The following OXSR1 variants were observed in gnomAD, a reference collection of about 807,000 sequenced individuals.
The protein encoded by OXSR1 is oxidative stress responsive kinase 1, also known as serine/threonine-protein kinase OSR1.
In OXSR1, 24 loss-of-function variants were observed where a neutral mutation model predicts 79.8. The observed-to-expected ratio is 0.30, with a 90% CI of 0.22 to 0.42. The LOEUF is 0.42. OXSR1 is among the 10% of genes least tolerant of loss of function. The pLI is 1.00. For synonymous variants in OXSR1, 226 were observed against 209.2 expected (o/e 1.08, Z -0.69); for missense variants, 430 against 618.4 (o/e 0.70, Z 3.23).
intron 1 of OXSR1, 31 bp from the exon 2 acceptor site, chr3:38,182,972 C>T: frequency 8.6e-7 from 1 of 1,161,986 alleles, no homozygotes; most frequent in South Asian, 1.3e-5. Context: ...TATCCATCTA[C>T]TTATTTACTC....
intron 4 of OXSR1, among the ~76,000 whole-genome samples, chr3:38,208,812 G>T (rs750817621): frequency 2.6e-4 from 39 of 152,344 alleles, no homozygotes; most frequent in Middle Eastern, 3.4e-3. Context: ...TAAGGCAGGA[G>T]AATGGCCTGA....
Position 38,167,805 on chromosome 3 carries a change from T to C in OXSR1, c.70+1859T>C, listed in dbSNP as rs534063696. On this transcript the variant is annotated intron_variant, in intron 1 of 17. Transcript: ENST00000311806. ...TCTGGTTCCCCCAGTCAGAGTTTCA[T>C]ATTGAAGGAAAGGATTAAATGGAAG... Among the ~76,000 whole-genome samples, 12 of 152,158 alleles carry C rather than the reference T, an allele frequency of 7.9e-5. No homozygotes were observed. The South Asian group carries it at 2.5e-3, about 32-fold the overall frequency.
chr3:38,205,045 A>G (rs1417521732), intron 4 of OXSR1, among the ~76,000 whole-genome samples: 1 of 152,124 alleles, frequency 6.6e-6, no homozygotes, highest in South Asian at 2.1e-4. Flanking sequence ...TGCTTCCTCC[A>G]TGGGTGCTGG....
In OXSR1 at chr3:38,174,308, G is replaced by A. The variant is rs867957137; in HGVS notation, c.70+8362G>A. Among the ~76,000 whole-genome samples the A allele has an allele frequency of 2.6e-5, 4 of 152,202 alleles. No individual in the cohort carries two copies. In the Middle Eastern group the frequency reaches 0.014, roughly 518 times the overall value. ...TTTTAAAACTCAGGCTGCAGGCTGG[G>A]CGAGGTGCCTCACCTGTAATCCCAG... On this transcript the variant is annotated intron_variant, in intron 1 of 17. Transcript: ENST00000311806.
chr3:38,193,756 A>G (rs1702026176), intron 3 of OXSR1, among the ~76,000 whole-genome samples: 2 of 152,004 alleles, frequency 1.3e-5, no homozygotes, highest in Non-Finnish European at 2.9e-5. Flanking sequence ...TTTCTGGGAC[A>G]TTACCCAATT....
chr3:38,193,413 T>G, intron 3 of OXSR1: 1 of 1,284,570 alleles, frequency 7.8e-7, no homozygotes, highest in South Asian at 1.2e-5. Flanking sequence ...GATATGGGAG[T>G]ATTAGGTAAT....
At chr3:38,228,716 G>A (rs565726119) in intron 8 of OXSR1, among the ~76,000 whole-genome samples, 54 of 152,134 alleles carry the variant, frequency 3.5e-4, no homozygotes, top group African/African-American at 1.3e-3. Flanking sequence ...GACTACAGGC[G>A]CACGCCACCA....
Position 38,230,003 on chromosome 3 carries a change from C to T in OXSR1, c.885+268C>T, listed in dbSNP as rs553372283. 3.3e-5 allele frequency among the ~76,000 whole-genome samples: 5 copies of T among 152,060 alleles called. No homozygotes were observed. In the South Asian group the frequency reaches 6.2e-4, roughly 19 times the overall value. The stretch of plus-strand genomic sequence containing the variant: ...TATAAATATAATTTGTGAAAAATAC[C>T]GAACTCTGGTTTTAAGGTTTACTAC... On this transcript the variant is annotated intron_variant, in intron 9 of 17. Coordinates refer to ENST00000311806, the MANE Select transcript of OXSR1 (RefSeq NM_005109.3).
chr3:38,198,900 C>T (rs1192482859), intron 4 of OXSR1, 37 bp downstream of exon 4: 6 of 1,557,080 alleles, frequency 3.9e-6, no homozygotes, highest in Non-Finnish European at 4.4e-6. Context: ...TACATCATCT[C>T]ATTAAGGCCA....
intron 2 of OXSR1, among the ~76,000 whole-genome samples, chr3:38,186,889 AT>A (rs985594196): frequency 6.6e-6 from 1 of 152,138 alleles, no homozygotes; most frequent in African/African-American, 2.4e-5. Flanking sequence ...CTGCCAAGCT[AT>A]TTTCCAAAGT....
At chr3:38,186,688 A>G (rs1376545627) in intron 2 of OXSR1, among the ~76,000 whole-genome samples, 1 of 151,986 alleles carries the variant, frequency 6.6e-6, no homozygotes, top group Non-Finnish European at 1.5e-5. Flanking sequence ...GATATACCAC[A>G]TATTGTTTGT....
intron 2 of OXSR1, among the ~76,000 whole-genome samples, chr3:38,185,759 G>A (rs1183059769): frequency 4.0e-5 from 6 of 151,794 alleles, no homozygotes; most frequent in Non-Finnish European, 7.4e-5. Flanking sequence ...CCGGGGCAAC[G>A]TGGTGAGACC....
chr3:38,230,459 G>T, intron 10 of OXSR1, 29 bp downstream of exon 10: 1 of 1,469,714 alleles, frequency 6.8e-7, no homozygotes, highest in Non-Finnish European at 9.5e-7. Flanking sequence ...CAGTTTTCCT[G>T]AAGAATTTAC....
At position 38,253,749 on chromosome 3, in the gene OXSR1, A is replaced by G. The variant is rs1398194915; in HGVS notation, c.*858A>G. 1 of 161,498 alleles carries G rather than the reference A, an allele frequency of 6.2e-6. No homozygotes were observed. Among genetic ancestry groups the G allele is most frequent in the Non-Finnish European group, 1.3e-5 (1 of 74,234 alleles). 10.0% of individuals were successfully genotyped at this position (161,498 alleles called of 1,614,324 possible). ...CAAATATCAAATTGAAGAAAAACTC[A>G]ATCCTCCCATGAAAATCAGTTCGCC... On this transcript the variant is annotated 3_prime_UTR_variant, in exon 18 of 18. Transcript: ENST00000311806.
At chr3:38,218,326 G>A (rs1191361817) in intron 5 of OXSR1, among the ~76,000 whole-genome samples, 2 of 151,836 alleles carry the variant, frequency 1.3e-5, no homozygotes, top group East Asian at 3.9e-4. Context: ...TAGTTTCTGG[G>A]TTTTTTGTTT....
At chr3:38,188,469 C>G (rs1335751590) in intron 2 of OXSR1, among the ~76,000 whole-genome samples, 2 of 152,168 alleles carry the variant, frequency 1.3e-5, no homozygotes, top group African/African-American at 4.8e-5. Flanking sequence ...AACTGTAGTA[C>G]AGTAATCAGA....
intron 1 of OXSR1, among the ~76,000 whole-genome samples, chr3:38,171,033 C>G (rs1229853053): frequency 6.6e-6 from 1 of 152,104 alleles, no homozygotes; most frequent in Non-Finnish European, 1.5e-5. Flanking sequence ...ACCTTAGCCT[C>G]CTAAAGTGTT....
At chr3:38,245,111 C>A (rs1324091032) in intron 12 of OXSR1, among the ~76,000 whole-genome samples, 1 of 152,056 alleles carries the variant, frequency 6.6e-6, no homozygotes, top group African/African-American at 2.4e-5. Flanking sequence ...TAATTTATGA[C>A]TTCTTATGTA....
chr3:38,195,067 A>T (rs977677238), intron 3 of OXSR1, among the ~76,000 whole-genome samples: 1 of 152,236 alleles, frequency 6.6e-6, no homozygotes, highest in Non-Finnish European at 1.5e-5. Context: ...TAAAACTGTC[A>T]TGTTGAATGT....
Sources: gnomAD v4.1 joint callset for allele counts (sites outside exome capture counted in the v4.1 genomes callset) on GRCh38, gnomAD v4.1.1 for gene constraint, MANE v1.5 for transcripts, NCBI Gene and HGNC (gene_info 2026-07-23, HGNC 2026-07-21) for gene names.